Variants in HSD11B1L observed in about 807,000 individuals in gnomAD.
The protein encoded by HSD11B1L is hydroxysteroid 11-beta-dehydrogenase 1-like protein.
In HSD11B1L, 22 loss-of-function variants were observed where a neutral mutation model predicts 27.0. That is an observed-to-expected ratio of 0.81 (90% CI 0.58 to 1.16). HSD11B1L has a LOEUF of 1.16. Ranked by LOEUF, HSD11B1L falls within the 50% of genes most tolerant of loss-of-function variation. HSD11B1L has a pLI of 0.00. For synonymous variants in HSD11B1L, 187 were observed against 189.2 expected (o/e 0.99, Z 0.09); for missense variants, 372 against 401.8 (o/e 0.93, Z 0.63).
rs758509770 is a variant in HSD11B1L at position 5,687,839 on chromosome 19, T to C, written c.755T>C (p.Phe252Ser). ...GGCGCCACGCGCGCGGCCGGCGTCTTCTACCCGTGGCGTTTCCGCCTGCTG... is the reference window on the plus strand; with the variant it reads ...GGCGCCACGCGCGCGGCCGGCGTCTCCTACCCGTGGCGTTTCCGCCTGCTG... ...RGGATRAAGV[F>S]YPWRFRLLCL... The change falls in exon 8 of 8, where the codon TTC (phenylalanine) becomes TCC (serine). Residue 252 changes from phenylalanine to serine, a missense_variant. Transcript: ENST00000339423. The surrounding 1 kb of genome is among the most constrained non-coding windows in gnomAD (Gnocchi z 6.6). 7 of 1,569,308 alleles carry C rather than the reference T, an allele frequency of 4.5e-6. No individual in the cohort carries two copies. Among genetic ancestry groups the C allele is most frequent in the Non-Finnish European group, 4.3e-6 (5 of 1,159,120 alleles).
In HSD11B1L at chr19:5,684,683, G is replaced by T. The variant is rs2054640955; in HGVS notation, c.-14-136G>T. On this transcript the variant is annotated intron_variant, in intron 1 of 7. Coordinates refer to ENST00000339423, the MANE Select transcript of HSD11B1L (RefSeq NM_198706.3). ...GGTGGTTCATGGAGCCACCGTGGTGGCCTGGACAGGTGGTGGCTGTGGAGG... is the reference window on the plus strand; with the variant it reads ...GGTGGTTCATGGAGCCACCGTGGTGTCCTGGACAGGTGGTGGCTGTGGAGG... 4.2e-5 allele frequency: 59 copies of T among 1,420,584 alleles called. No homozygotes were observed. In the South Asian group the frequency reaches 7.7e-4, roughly 19 times the overall value. 88.0% of individuals were successfully genotyped at this position (1,420,584 alleles called of 1,614,324 possible).
In HSD11B1L at chr19:5,687,188, CT is replaced by C; in HGVS notation, c.409-93del. ...CCGCCTTCCGGGTTTCTGGCCCCGTCTCTGACCCGGCCCTGGCCCCGCCCTC... is the reference window on the plus strand; with the variant it reads ...CCGCCTTCCGGGTTTCTGGCCCCGTCCTGACCCGGCCCTGGCCCCGCCCTC... On this transcript the variant is annotated intron_variant, in intron 5 of 7. Transcript: ENST00000339423. The surrounding 1 kb of genome is among the most constrained non-coding windows in gnomAD (Gnocchi z 6.6). 7.1e-7 allele frequency: 1 copy of C among 1,407,754 alleles called. No homozygotes were observed. Among genetic ancestry groups the C allele is most frequent in the South Asian group, 1.2e-5 (1 of 80,980 alleles). The allele number at this position is 1,407,754 out of a possible 1,614,324, so 87.2% of individuals were successfully genotyped here. A position where few individuals can be genotyped will look rare whatever the true frequency, so the allele number is the denominator to read the frequency against.
rs771868631 is a variant in HSD11B1L at position 5,686,413 on chromosome 19, C to T, written c.205-3C>T. On this transcript the variant is annotated splice_polypyrimidine_tract_variant and splice_region_variant and intron_variant, in intron 3 of 7. Transcript: ENST00000339423. ...GCCCACGGGCAGCTCTGGCCCCCCC[C>T]AGGTGGTAGGGAACTGCCGGAAGCT... The T allele has an allele frequency of 6.4e-7, 1 of 1,562,220 alleles. No individual in the cohort carries two copies. Among genetic ancestry groups the T allele is most frequent in the Non-Finnish European group, 8.7e-7 (1 of 1,153,590 alleles).
At chr19:5,686,568 C>G (rs973404911) in intron 4 of HSD11B1L, 41 bp downstream of exon 4, 1 of 1,480,398 alleles carries the variant, frequency 6.8e-7, no homozygotes, top group African/African-American at 1.4e-5. Context: ...GGGACCGTGG[C>G]CTAGGCCTTA....
At position 5,684,889 on chromosome 19, in the gene HSD11B1L, T is replaced by A. The variant is rs2054647776; in HGVS notation, c.57T>A (p.Asp19Glu). 1.9e-6 allele frequency: 3 copies of A among 1,613,818 alleles called. No individual in the cohort carries two copies. The East Asian group carries it at 6.7e-5, about 36-fold the overall frequency. The change falls in exon 2 of 8, where the codon GAT (aspartate) becomes GAA (glutamate). Residue 19 changes from aspartate (D) to glutamate (E), a missense_variant. Physicochemically the swap from Asp to Glu is conservative, Grantham distance 45. Coordinates refer to ENST00000339423, the MANE Select transcript of HSD11B1L (RefSeq NM_198706.3). ...CCCTGTTCTTCGCCTATTATTGGGA[T>A]GACAACTTCGACCCAGGTGAGCACC... ...LGALFFAYYW[D>E]DNFDPASLQG... is the part of the protein sequence containing the mutation.
In HSD11B1L at chr19:5,687,826, G is replaced by T; in HGVS notation, c.742G>T (p.Ala248Ser). The part of the protein sequence containing the change: ...LAVIRGGATR[A>S]AGVFYPWRFR... ...CGTGATCCGCGGCGGCGCCACGCGC[G>T]CGGCCGGCGTCTTCTACCCGTGGCG... Residue 248 changes from alanine to serine, a missense_variant, in exon 8 of 8, where the codon GCG becomes TCG. Physicochemically the swap from Ala to Ser is moderately conservative, Grantham distance 99 (BLOSUM62 1). Transcript: ENST00000339423. The surrounding 1 kb of genome is among the most constrained non-coding windows in gnomAD (Gnocchi z 6.6). 2 of 1,547,436 alleles carry T rather than the reference G, an allele frequency of 1.3e-6. No individual in the cohort carries two copies. Among genetic ancestry groups the T allele is most frequent in the Non-Finnish European group, 1.7e-6 (2 of 1,149,014 alleles).
At chr19:5,683,927 T>A in intron 1 of HSD11B1L, 1 of 347,838 alleles carries the variant, frequency 2.9e-6, no homozygotes, top group East Asian at 4.2e-5. Context: ...AAAAAATAAA[T>A]AATAAAAAAA....
chr19:5,686,914 C>A lies in HSD11B1L; in HGVS notation c.331C>A (p.Leu111Ile). The A allele has an allele frequency of 3.2e-6, 5 of 1,552,352 alleles. No homozygotes were observed. The highest frequency in any genetic ancestry group is 3.5e-6 in the Non-Finnish European group (4 of 1,148,566). ...ALDKLGGLDY[L>I]VLNHIGGAPA... is the part of the protein sequence containing the mutation. ...TTCTGGGCCAGGCGGGCTGGACTAC[C>A]TCGTGCTGAACCACATCGGCGGCGC... The change falls in exon 5 of 8, where the codon CTC becomes ATC. Residue 111 changes from leucine to isoleucine, a missense_variant. Transcript: ENST00000339423.
rs2054677352 is a variant in HSD11B1L at position 5,685,879 on chromosome 19, G to C, written c.205-537G>C. On this transcript the variant is annotated intron_variant, in intron 3 of 7. Coordinates refer to ENST00000339423, the MANE Select transcript of HSD11B1L (RefSeq NM_198706.3). This position sits in a 1 kb window ranked among gnomAD's most constrained non-coding sequence, Gnocchi z 4.3. Reference sequence around the variant, plus strand: ...AGATCGCACTACTGCACTCCAGCCTGGGCAACAAAGTGAGACTCTGTCTCA... The same window carrying C: ...AGATCGCACTACTGCACTCCAGCCTCGGCAACAAAGTGAGACTCTGTCTCA... Among the ~76,000 whole-genome samples the C allele has an allele frequency of 6.6e-6, 1 of 152,180 alleles. No homozygotes were observed. Among genetic ancestry groups the C allele is most frequent in the Admixed American group, 6.5e-5 (1 of 15,272 alleles).
At chr19:5,681,812 C>T (rs941465861) in intron 1 of HSD11B1L, among the ~76,000 whole-genome samples, 2 of 152,266 alleles carry the variant, frequency 1.3e-5, no homozygotes, top group Non-Finnish European at 2.9e-5. Flanking sequence ...GCCATCCACC[C>T]ATCCATCCTT....
chr19:5,683,208 CAAAAAAA>C (rs1168433209), intron 1 of HSD11B1L, among the ~76,000 whole-genome samples: 1 of 51,102 alleles, frequency 2.0e-5, no homozygotes, highest in Non-Finnish European at 4.3e-5. Context: ...AACTCAGTCT[CAAAAAAA>C]AAAAAAAAAA....
chr19:5,687,204 G>T lies in HSD11B1L; in HGVS notation c.409-78G>T. 1 of 1,487,960 alleles carries T rather than the reference G, an allele frequency of 6.7e-7. No individual in the cohort carries two copies. 92.2% of individuals were successfully genotyped at this position (1,487,960 alleles called of 1,614,324 possible). ...TGGCCCCGTCTCTGACCCGGCCCTG[G>T]CCCCGCCCTCTGGGTTTCTGGCCCC... On this transcript the variant is annotated intron_variant, in intron 5 of 7. Transcript: ENST00000339423. This position sits in a 1 kb window ranked among gnomAD's most constrained non-coding sequence, Gnocchi z 6.6.
chr19:5,687,057 G>T lies in HSD11B1L; in HGVS notation c.408+66G>T. On this transcript the variant is annotated intron_variant, in intron 5 of 7. Coordinates refer to ENST00000339423, the MANE Select transcript of HSD11B1L (RefSeq NM_198706.3). This position sits in a 1 kb window ranked among gnomAD's most constrained non-coding sequence, Gnocchi z 6.6. ...CAGGGACCGGTGGTCCGTTCCCTTC[G>T]CGGTCCGGGTTCTGCCTTCTCCAGG... 1 of 1,399,988 alleles carries T rather than the reference G, an allele frequency of 7.1e-7. No homozygotes were observed. 86.7% of individuals were successfully genotyped at this position (1,399,988 alleles called of 1,614,324 possible). A position where few individuals can be genotyped will look rare whatever the true frequency, so the allele number is the denominator to read the frequency against.
chr19:5,687,451 A>T lies in HSD11B1L; in HGVS notation c.503-52A>T, dbSNP rs1167443231. 8 of 1,590,576 alleles carry T rather than the reference A, an allele frequency of 5.0e-6. No individual in the cohort carries two copies. Among genetic ancestry groups the T allele is most frequent in the African/African-American group, 1.3e-5 (1 of 74,338 alleles). On this transcript the variant is annotated intron_variant, in intron 6 of 7. Transcript: ENST00000339423. This position sits in a 1 kb window ranked among gnomAD's most constrained non-coding sequence, Gnocchi z 6.6. ...GCGGGTGAGCCTGGAGGGTCTGGGC[A>T]GGCTTCCCGGACGAGGGGGAGCCAC...
At position 5,686,320 on chromosome 19, in the gene HSD11B1L, T is replaced by G. The variant is rs543672526; in HGVS notation, c.205-96T>G. 2.9e-4 allele frequency: 220 copies of G among 766,690 alleles called. 2 individuals are homozygous for G. Among genetic ancestry groups the G allele is most frequent in the African/African-American group, 1.1e-3 (56 of 49,792 alleles). The allele number at this position is 766,690 out of a possible 1,614,324, so 47.5% of individuals were successfully genotyped here. ...TCCCGAGGCTCAGAGTAGGGGGGGGTTTTCAGGCGGGGGCCTCCCTATGGC... is the reference window on the plus strand; with the variant it reads ...TCCCGAGGCTCAGAGTAGGGGGGGGGTTTCAGGCGGGGGCCTCCCTATGGC... On this transcript the variant is annotated intron_variant, in intron 3 of 7. Transcript: ENST00000339423.
rs1453118193 is a variant in HSD11B1L at position 5,686,537 on chromosome 19, T to C, written c.316+10T>C. The C allele has an allele frequency of 6.4e-7, 1 of 1,564,278 alleles. No homozygotes were observed. The highest frequency in any genetic ancestry group is 8.7e-7 in the Non-Finnish European group (1 of 1,153,794). ...GCGCTGGACAAGCTGGGTGAGGGGCTGGGCCTGAAGCCTGGAGTCCGGGAC... is the reference window on the plus strand; with the variant it reads ...GCGCTGGACAAGCTGGGTGAGGGGCCGGGCCTGAAGCCTGGAGTCCGGGAC... On this transcript the variant is annotated intron_variant, in intron 4 of 7. Transcript: ENST00000339423.
chr19:5,685,209 T>C lies in HSD11B1L; in HGVS notation c.204+90T>C. 6.8e-7 allele frequency: 1 copy of C among 1,480,832 alleles called. No homozygotes were observed. The highest frequency in any genetic ancestry group is 1.2e-5 in the South Asian group (1 of 82,978). 91.7% of individuals were successfully genotyped at this position (1,480,832 alleles called of 1,614,324 possible). On this transcript the variant is annotated intron_variant, in intron 3 of 7. Coordinates refer to ENST00000339423, the MANE Select transcript of HSD11B1L (RefSeq NM_198706.3). This position sits in a 1 kb window ranked among gnomAD's most constrained non-coding sequence, Gnocchi z 4.3. ...TTTAATCCCTGCAATGATCCAGGCT[T>C]CCCGTGTGACCTTGGGCAAGTCGCC... is the stretch of plus-strand genomic sequence containing the variant.
In HSD11B1L at chr19:5,688,283, T is replaced by C; in HGVS notation, c.*338T>C. 1 of 1,101,550 alleles carries C rather than the reference T, an allele frequency of 9.1e-7. No homozygotes were observed. The highest frequency in any genetic ancestry group is 1.3e-6 in the Non-Finnish European group (1 of 782,456). The allele number at this position is 1,101,550 out of a possible 1,614,324, so 68.2% of individuals were successfully genotyped here. On this transcript the variant is annotated 3_prime_UTR_variant, in exon 8 of 8. Transcript: ENST00000339423. ...TGAGCCACCCATGGACCCCTCTCCA[T>C]CTCCTGCCTGCGCCTTTAAGTCCCT...
intron 1 of HSD11B1L, chr19:5,684,023 C>T (rs766664199): frequency 4.3e-6 from 2 of 468,996 alleles, no homozygotes; most frequent in South Asian, 4.1e-5. Flanking sequence ...GTTGCCTAGG[C>T]TGGAGTGCAA....
Sources: gnomAD v4.1 joint callset for allele counts (sites outside exome capture counted in the v4.1 genomes callset) on GRCh38, gnomAD v4.1.1 for gene constraint, Gnocchi (gnomAD v3.1) non-coding constraint, MANE v1.5 for transcripts, NCBI Gene and HGNC (gene_info 2026-07-23, HGNC 2026-07-21) for gene names.